PDIA6: variants seen among roughly 807,000 people sequenced by gnomAD.
PDIA6 encodes the protein protein disulfide isomerase family A member 6, also known as protein disulfide-isomerase A6.
PDIA6 carries 29 observed loss-of-function variants against 58.4 expected under a neutral mutation model. The observed-to-expected ratio is 0.50, with a 90% confidence interval of 0.37 to 0.68. The LOEUF (loss-of-function observed/expected upper bound fraction) is 0.68, where lower values mean the gene tolerates loss of function less well. Ranked by LOEUF, PDIA6 falls within the 30% of genes least tolerant of loss-of-function variation. The probability of loss-of-function intolerance (pLI) is 0.00; values close to 1 mark genes in which losing one functional copy is unlikely to be tolerated. For missense variants in PDIA6, 480 were observed against 551.0 expected, an observed-to-expected ratio of 0.87 and a Z score of 1.29; for synonymous variants, 192 against 202.6, an observed-to-expected ratio of 0.95 and a Z score of 0.44.
chr2:10,825,717 C>T (rs912519226), intron 1 of PDIA6, among the ~76,000 whole-genome samples: 3 of 152,264 alleles, frequency 2.0e-5, no homozygotes, highest in South Asian at 2.1e-4. Context: ...CAATAAAGCA[C>T]ATGAAAAGAT....
chr2:10,806,194 C>A (rs925081590), intron 1 of PDIA6, among the ~76,000 whole-genome samples: 1 of 150,694 alleles, frequency 6.6e-6, no homozygotes, highest in Non-Finnish European at 1.5e-5. Flanking sequence ...ATAGTGAGAC[C>A]CCCTCTCTAA....
upstream of PDIA6, among the ~76,000 whole-genome samples, chr2:10,833,288 G>A (rs776397437): frequency 3.9e-5 from 6 of 152,084 alleles, no homozygotes; most frequent in South Asian, 4.1e-4. Flanking sequence ...TTCCCTGTCC[G>A]GTCCCTCTCC....
At chr2:10,827,036 C>T (rs1183410450) in intron 1 of PDIA6, among the ~76,000 whole-genome samples, 2 of 152,160 alleles carry the variant, frequency 1.3e-5, no homozygotes, top group Non-Finnish European at 2.9e-5. Context: ...TTAGTTTCTC[C>T]TCAGAACTGA....
At chr2:10,832,257 A>T (rs4668698) in exon 1 of PDIA6, 1 of 208,108 alleles carries the variant, frequency 4.8e-6, no homozygotes, top group Non-Finnish European at 8.4e-6. Flanking sequence ...ACAACAGCAG[A>T]ACTGGCCAGA....
chr2:10,816,077 C>T (rs1467553968), upstream of PDIA6, among the ~76,000 whole-genome samples: 35 of 96,442 alleles, frequency 3.6e-4, no homozygotes, highest in East Asian at 8.0e-4. Context: ...AATCATTTGT[C>T]TTTTTTTTTT....
intron 3 of PDIA6, 82 bp from the exon 4 acceptor site, chr2:10,797,289 C>G: frequency 3.6e-6 from 5 of 1,390,788 alleles, no homozygotes; most frequent in Non-Finnish European, 4.9e-6. Context: ...TTCACATAGA[C>G]TCAGAAAAAG....
At chr2:10,834,721 C>CCCTCCCTTCCCT (rs1303608003), upstream of PDIA6, among the ~76,000 whole-genome samples, 20 of 45,528 alleles carry the variant, frequency 4.4e-4, no homozygotes, top group African/African-American at 1.4e-3. Flanking sequence ...CTCCCTCCCT[C>CCCTCCCTTCCCT]CCTTCCTTCC....
intron 1 of PDIA6, among the ~76,000 whole-genome samples, chr2:10,803,251 A>G (rs921839055): frequency 3.3e-5 from 5 of 152,182 alleles, no homozygotes; most frequent in African/African-American, 1.2e-4. Context: ...TCCGCCTCCC[A>G]GGTTCAAGCA....
Position 10,820,055 on chromosome 2 carries a change from T to A in PDIA6, c.-47-701A>T, listed in dbSNP as rs542669846. ...CGAGGGAGACACTGAAGTCCAGAGGTGTTCTTGGCATAGTGAAGTGGCCTC... is the reference window on the plus strand; with the variant it reads ...CGAGGGAGACACTGAAGTCCAGAGGAGTTCTTGGCATAGTGAAGTGGCCTC... On this transcript the variant is annotated intron_variant, in intron 1 of 13. Coordinates refer to the PDIA6 transcript ENST00000381611. 1.6e-4 allele frequency among the ~76,000 whole-genome samples: 25 copies of A among 152,248 alleles called. 1 individual carries two copies. In the East Asian group the frequency reaches 4.1e-3, roughly 25 times the overall value.
chr2:10,835,274 T>TG (rs1667807615), upstream of PDIA6, among the ~76,000 whole-genome samples: 1 of 152,070 alleles, frequency 6.6e-6, no homozygotes, highest in Non-Finnish European at 1.5e-5. Flanking sequence ...GTGGAAAGGC[T>TG]GGGGACTCCA....
At chr2:10,787,047 C>T (rs550985973) in intron 11 of PDIA6, among the ~76,000 whole-genome samples, 10 of 152,242 alleles carry the variant, frequency 6.6e-5, no homozygotes, top group African/African-American at 2.2e-4. Context: ...CACAGGGCGG[C>T]CCGAGGGTAG....
At chr2:10,803,951 C>G (rs1364853828) in intron 1 of PDIA6, among the ~76,000 whole-genome samples, 2 of 137,596 alleles carry the variant, frequency 1.5e-5, no homozygotes, top group Non-Finnish European at 3.1e-5. Flanking sequence ...CTCTGTCACC[C>G]AGGCTGGAGT....
chr2:10,783,976 C>T lies in PDIA6; in HGVS notation c.*282G>A. The T allele has an allele frequency of 3.8e-6, 1 of 261,216 alleles. No homozygotes were observed. Among genetic ancestry groups the T allele is most frequent in the Non-Finnish European group, 7.2e-6 (1 of 139,366 alleles). 16.2% of individuals were successfully genotyped at this position (261,216 alleles called of 1,614,324 possible). A position where few individuals can be genotyped will look rare whatever the true frequency, so the allele number is the denominator to read the frequency against. ...ACAGCCTCCAAGAACATTCAAGCAG[C>T]AGTCAGAGAGAAAAATGTTTCGACA... On this transcript the variant is annotated 3_prime_UTR_variant, in exon 13 of 13. Transcript: ENST00000272227.
chr2:10,785,036 G>A lies in PDIA6; in HGVS notation c.1158-6C>T. ...CACGCCCAAAAGAGAGCTCCCTTAG[G>A]GAAAAATGACCAAAACACACACACA... On this transcript the variant is annotated splice_polypyrimidine_tract_variant and splice_region_variant and intron_variant, in intron 11 of 12. Transcript: ENST00000272227. 2.6e-6 allele frequency: 4 copies of A among 1,561,964 alleles called. No individual in the cohort carries two copies. The highest frequency in any genetic ancestry group is 2.4e-5 in the East Asian group (1 of 42,374).
At chr2:10,802,748 G>C (rs753407782) in intron 1 of PDIA6, 108 bp from the exon 2 acceptor site, 49 of 823,048 alleles carry the variant, frequency 6.0e-5, no homozygotes, top group Non-Finnish European at 7.7e-5. Flanking sequence ...TCACACAGGA[G>C]GACGGCCTAG....
At position 10,799,526 on chromosome 2, in the gene PDIA6, T is replaced by C. The variant is rs958348071; in HGVS notation, c.162-1769A>G. ...ATTCCAAACACTACAATCATACAGG[T>C]AGAAGTCGTAATTATTATGTAACTG... is the stretch of plus-strand genomic sequence containing the variant. On this transcript the variant is annotated intron_variant, in intron 2 of 12. Coordinates refer to ENST00000272227, the MANE Select transcript of PDIA6 (RefSeq NM_005742.4). Among the ~76,000 whole-genome samples, 3 of 152,314 alleles carry C rather than the reference T, an allele frequency of 2.0e-5. No individual in the cohort carries two copies. The East Asian group carries it at 5.8e-4, about 29-fold the overall frequency.
At chr2:10,784,471 C>T (rs552175852) in intron 12 of PDIA6, 145 bp from the exon 13 acceptor site, 12 of 590,866 alleles carry the variant, frequency 2.0e-5, no homozygotes, top group East Asian at 2.0e-4. Context: ...CCCTGACCTT[C>T]GTACCTATGA....
chr2:10,793,717 A>G (rs1267568114), intron 4 of PDIA6, among the ~76,000 whole-genome samples: 1 of 152,198 alleles, frequency 6.6e-6, no homozygotes, highest in African/African-American at 2.4e-5. Flanking sequence ...CTGCTCAAAC[A>G]CCATCTCCTA....
upstream of PDIA6, chr2:10,812,930 G>A (rs954014583): frequency 5.2e-5 from 48 of 916,450 alleles, no homozygotes; most frequent in African/African-American, 9.0e-5. Flanking sequence ...AGAGGTTACC[G>A]GTTTGGTTTT....
Sources: gnomAD v4.1 joint callset for allele counts (sites outside exome capture counted in the v4.1 genomes callset) on GRCh38, gnomAD v4.1.1 for gene constraint, MANE v1.5 for transcripts, NCBI Gene and HGNC (gene_info 2026-07-23, HGNC 2026-07-21) for gene names.